NCKAP5: variants seen among roughly 807,000 people sequenced by gnomAD.
The protein encoded by NCKAP5 is nck-associated protein 5.
Under a neutral mutation model 167.0 loss-of-function variants are expected in NCKAP5, and 92 were observed. That is an observed-to-expected ratio of 0.55 (90% CI 0.47 to 0.66). NCKAP5 has a LOEUF of 0.66. Ranked by LOEUF, NCKAP5 falls within the 30% of genes least tolerant of loss-of-function variation. The pLI, the probability that NCKAP5 is intolerant of heterozygous loss-of-function variation, is 0.00. For synonymous variants in NCKAP5, 891 were observed against 877.4 expected (o/e 1.02, Z -0.27); for missense variants, 2,378 against 2,315.0 (o/e 1.03, Z -0.56).
intron 3 of NCKAP5, among the ~76,000 whole-genome samples, chr2:133,468,973 G>A (rs1007857405): frequency 1.5e-4 from 23 of 152,068 alleles, no homozygotes; most frequent in African/African-American, 4.6e-4. Flanking sequence ...CAATTTGCCA[G>A]TCTGTGTCTT....
the NCKAP5 span, among the ~76,000 whole-genome samples, chr2:133,667,181 C>A: frequency 1.6e-4 from 25 of 152,126 alleles, no homozygotes; most frequent in Admixed American, 1.3e-3. Flanking sequence ...CTTTGAAATG[C>A]AAAATCACAG....
chr2:133,663,129 G>A, the NCKAP5 span, among the ~76,000 whole-genome samples: 3 of 152,124 alleles, frequency 2.0e-5, no homozygotes, highest in African/African-American at 4.8e-5. Flanking sequence ...AGCTGGGCGC[G>A]GTGGCGGGCG....
chr2:133,671,827 A>G, the NCKAP5 span, among the ~76,000 whole-genome samples: 1 of 152,206 alleles, frequency 6.6e-6, no homozygotes, highest in Non-Finnish European at 1.5e-5. Context: ...ACATAATTGT[A>G]AACATGCTGC....
At chr2:133,274,484 A>C (rs982775784) in intron 4 of NCKAP5, among the ~76,000 whole-genome samples, 1 of 152,050 alleles carries the variant, frequency 6.6e-6, no homozygotes. Flanking sequence ...ATCTCAGCAG[A>C]TTTATACACT....
intron 6 of NCKAP5, among the ~76,000 whole-genome samples, chr2:133,091,195 C>T (rs921012161): frequency 6.6e-6 from 1 of 152,152 alleles, no homozygotes; most frequent in Non-Finnish European, 1.5e-5. Flanking sequence ...GCCAGTTAAA[C>T]CTCTTTTCTT....
chr2:133,579,525 G>A, the NCKAP5 span, among the ~76,000 whole-genome samples: 1 of 152,156 alleles, frequency 6.6e-6, no homozygotes. Context: ...CCCTTCTTTT[G>A]CAGGGCAGGA....
At chr2:133,123,575 A>C (rs1411413618) in intron 6 of NCKAP5, 2 of 267,462 alleles carry the variant, frequency 7.5e-6, no homozygotes, top group Non-Finnish European at 1.6e-5. Context: ...CTCAGGCAGA[A>C]ATATTGCTGA....
intron 4 of NCKAP5, among the ~76,000 whole-genome samples, chr2:133,215,565 G>C (rs1380158095): frequency 6.6e-6 from 1 of 152,028 alleles, no homozygotes; most frequent in Non-Finnish European, 1.5e-5. Flanking sequence ...AGCTGAAAAT[G>C]CACACACCCA....
intron 5 of NCKAP5, among the ~76,000 whole-genome samples, chr2:133,209,162 A>G (rs989205247): frequency 3.9e-5 from 6 of 151,918 alleles, no homozygotes; most frequent in Admixed American, 2.0e-4. Flanking sequence ...ATGCATACCA[A>G]TATTGAAGAC....
chr2:132,713,415 G>C (rs1413393987), intron 19 of NCKAP5, among the ~76,000 whole-genome samples: 3 of 152,150 alleles, frequency 2.0e-5, no homozygotes, highest in Non-Finnish European at 4.4e-5. Context: ...AAAGAAGGGA[G>C]GGAAGACATG....
chr2:133,612,403 C>T, the NCKAP5 span, among the ~76,000 whole-genome samples: 5,583 of 152,232 alleles, frequency 0.037, 356 homozygotes, highest in African/African-American at 0.13. Flanking sequence ...CTTTCTTTAT[C>T]CCAGTATGGA....
intron 4 of NCKAP5, among the ~76,000 whole-genome samples, chr2:133,262,509 C>T (rs2088960364): frequency 6.6e-6 from 1 of 152,172 alleles, no homozygotes; most frequent in Non-Finnish European, 1.5e-5. Flanking sequence ...ATGTTCATGT[C>T]TGAGATGAGT....
rs192091521 is a variant in NCKAP5, at chr2:133,125,953, A to T, written c.341+4025T>A. Among the ~76,000 whole-genome samples the T allele has an allele frequency of 6.6e-4, 96 of 146,034 alleles. 1 individual carries two copies. The highest frequency in any genetic ancestry group is 2.3e-3 in the African/African-American group (87 of 37,700). On this transcript the variant is annotated intron_variant, in intron 6 of 19. Transcript: ENST00000409261. Reference sequence around the variant, plus strand: ...GTGGCTGAAGGTTTGGTGGTGATATAAAAAAAAAACTACTCATTCAAGCAT... The same window carrying T: ...GTGGCTGAAGGTTTGGTGGTGATATTAAAAAAAAACTACTCATTCAAGCAT...
intron 6 of NCKAP5, among the ~76,000 whole-genome samples, chr2:132,994,514 T>C (rs572823874): frequency 6.6e-6 from 1 of 152,322 alleles, no homozygotes; most frequent in African/African-American, 2.4e-5. Context: ...TCCCTCTTCA[T>C]TTCCAATCAC....
At chr2:132,895,729 C>CCCCAT (rs1322167573) in intron 8 of NCKAP5, among the ~76,000 whole-genome samples, 3 of 150,654 alleles carry the variant, frequency 2.0e-5, no homozygotes, top group Non-Finnish European at 4.4e-5. Flanking sequence ...CTGTTGCTAG[C>CCCCAT]CCCATTTTAC....
chr2:132,760,798 A>G (rs1329881257), intron 16 of NCKAP5, among the ~76,000 whole-genome samples: 1 of 152,208 alleles, frequency 6.6e-6, no homozygotes, highest in African/African-American at 2.4e-5. Context: ...AAATGTACTC[A>G]AACAGTGTAA....
chr2:133,022,618 G>T (rs2078565279), intron 6 of NCKAP5, among the ~76,000 whole-genome samples: 1 of 152,132 alleles, frequency 6.6e-6, no homozygotes. Context: ...GTTCTTCGGA[G>T]TGTCCATTCC....
chr2:133,353,342 C>A (rs910125407), intron 3 of NCKAP5, among the ~76,000 whole-genome samples: 3 of 152,188 alleles, frequency 2.0e-5, no homozygotes, highest in African/African-American at 7.2e-5. Context: ...AGACCCTCTG[C>A]TCCCAGTTTT....
intron 5 of NCKAP5, among the ~76,000 whole-genome samples, chr2:133,184,903 C>T (rs1296259985): frequency 6.6e-6 from 1 of 152,132 alleles, no homozygotes; most frequent in Non-Finnish European, 1.5e-5. Flanking sequence ...TATCTTCTCC[C>T]AACATACAGG....
Sources: allele counts gnomAD v4.1 joint callset (sites outside exome capture counted in the v4.1 genomes callset), GRCh38; gene constraint gnomAD v4.1.1; transcripts MANE v1.5; gene names NCBI Gene and HGNC (gene_info 2026-07-23, HGNC 2026-07-21).